PRUNE1: variants seen among roughly 807,000 people sequenced by gnomAD.
The protein encoded by PRUNE1 is prune exopolyphosphatase 1.
Under a neutral mutation model 42.5 loss-of-function variants are expected in PRUNE1, and 25 were observed. That is an observed-to-expected ratio of 0.59 (90% CI 0.43 to 0.82). The LOEUF (loss-of-function observed/expected upper bound fraction) is 0.82, where lower values mean the gene tolerates loss of function less well. Ranked by LOEUF, PRUNE1 falls within the 40% of genes least tolerant of loss-of-function variation. The probability of loss-of-function intolerance (pLI) is 0.00; values close to 1 mark genes in which losing one functional copy is unlikely to be tolerated. For synonymous variants in PRUNE1, 203 were observed against 217.1 expected (o/e 0.93, Z 0.57); for missense variants, 443 against 539.3 (o/e 0.82, Z 1.77).
At chr1:151,028,407 T>C (rs1162028991) in intron 6 of PRUNE1, among the ~76,000 whole-genome samples, 2 of 151,774 alleles carry the variant, frequency 1.3e-5, no homozygotes, top group Non-Finnish European at 2.9e-5. Flanking sequence ...GCCCAGCTAA[T>C]TTTTTGTTTT....
chr1:151,013,944 C>T (rs1222858133), intron 1 of PRUNE1, among the ~76,000 whole-genome samples: 1 of 151,676 alleles, frequency 6.6e-6, no homozygotes, highest in East Asian at 1.9e-4. Context: ...ATCCCCCTAC[C>T]CCAGTGCTGT....
chr1:151,028,741 G>C (rs765905217), intron 6 of PRUNE1, 45 bp from the exon 7 acceptor site: 6 of 1,590,170 alleles, frequency 3.8e-6, no homozygotes, highest in Non-Finnish European at 5.2e-6. Context: ...TTTTATTGAT[G>C]ATGATGAGAA....
At chr1:151,014,243 T>C (rs951500806) in intron 1 of PRUNE1, among the ~76,000 whole-genome samples, 1 of 152,208 alleles carries the variant, frequency 6.6e-6, no homozygotes, top group Non-Finnish European at 1.5e-5. Flanking sequence ...CCTCCCAAAG[T>C]GCTGGGATTA....
chr1:151,017,543 G>T (rs905365722), intron 1 of PRUNE1, among the ~76,000 whole-genome samples: 7 of 151,914 alleles, frequency 4.6e-5, no homozygotes, highest in African/African-American at 1.7e-4. Context: ...AGACCAGCCT[G>T]TGCAACATGG....
chr1:151,022,550 C>A (rs1674531335), intron 3 of PRUNE1, among the ~76,000 whole-genome samples: 1 of 151,664 alleles, frequency 6.6e-6, no homozygotes, highest in Non-Finnish European at 1.5e-5. Context: ...TCCCGAGTAG[C>A]TGGGACTACA....
intron 1 of PRUNE1, among the ~76,000 whole-genome samples, chr1:151,011,835 G>A (rs889214418): frequency 6.6e-6 from 1 of 151,092 alleles, no homozygotes; most frequent in Non-Finnish European, 1.5e-5. Context: ...CTGGAGTACA[G>A]TTGCATGATC....
chr1:151,014,552 T>C (rs1473053845), intron 1 of PRUNE1, among the ~76,000 whole-genome samples: 1 of 152,232 alleles, frequency 6.6e-6, no homozygotes, highest in Non-Finnish European at 1.5e-5. Flanking sequence ...AGTGATAGCC[T>C]GTATAGGGAA....
At chr1:151,025,494 C>T (rs748886880) in intron 4 of PRUNE1, 21 bp from the exon 5 acceptor site, 9 of 1,607,704 alleles carry the variant, frequency 5.6e-6, no homozygotes, top group Admixed American at 3.4e-5. Flanking sequence ...ATTCAAGTTC[C>T]ACCATCTCCC....
chr1:151,021,006 C>T (rs995843484), intron 3 of PRUNE1, among the ~76,000 whole-genome samples: 15 of 150,824 alleles, frequency 9.9e-5, no homozygotes, highest in African/African-American at 3.4e-4. Flanking sequence ...AATAGCTGGG[C>T]GTGGTGGCTC....
At chr1:151,017,372 A>G (rs1674171335) in intron 1 of PRUNE1, among the ~76,000 whole-genome samples, 1 of 152,164 alleles carries the variant, frequency 6.6e-6, no homozygotes, top group Non-Finnish European at 1.5e-5. Flanking sequence ...TATGCCATCT[A>G]TGGAATGAGG....
intron 1 of PRUNE1, among the ~76,000 whole-genome samples, chr1:151,009,326 A>C (rs894367912): frequency 6.6e-6 from 1 of 152,242 alleles, no homozygotes; most frequent in Non-Finnish European, 1.5e-5. Flanking sequence ...GCCTTAACGC[A>C]CACAAATGAC....
chr1:151,008,688 T>A lies in PRUNE1; in HGVS notation c.39+17T>A. 6.2e-7 allele frequency: 1 copy of A among 1,613,594 alleles called. No individual in the cohort carries two copies. Among genetic ancestry groups the A allele is most frequent in the Non-Finnish European group, 8.5e-7 (1 of 1,179,730 alleles). ...GCTCTGCAGGTAACGAATCCCTGTC[T>A]GTGACTGTAAGGAATGGAGCACGGG... On this transcript the variant is annotated intron_variant, in intron 1 of 7. Transcript: ENST00000271620.
At chr1:151,030,877 T>C (rs1675200036) in intron 7 of PRUNE1, among the ~76,000 whole-genome samples, 1 of 152,210 alleles carries the variant, frequency 6.6e-6, no homozygotes, top group Non-Finnish European at 1.5e-5. Flanking sequence ...GTCAGTTGAC[T>C]TCTGCATCTG....
intron 5 of PRUNE1, among the ~76,000 whole-genome samples, chr1:151,026,524 A>G (rs1438011309): frequency 6.6e-6 from 1 of 152,102 alleles, no homozygotes; most frequent in African/African-American, 2.4e-5. Context: ...TATATATAAA[A>G]TATGCTGAGA....
chr1:151,009,739 G>A (rs1412064141), intron 1 of PRUNE1, among the ~76,000 whole-genome samples: 1 of 152,288 alleles, frequency 6.6e-6, no homozygotes, highest in African/African-American at 2.4e-5. Flanking sequence ...ATATTGAATT[G>A]GGGAGAAGGT....
At position 151,033,968 on chromosome 1, in the gene PRUNE1, A is replaced by G. The variant is rs759639306; in HGVS notation, c.1096A>G (p.Met366Val). The change falls in exon 8 of 8, where the codon ATG becomes GTG. Residue 366 changes from methionine to valine, a missense_variant. Physicochemically the swap from Met to Val is conservative, Grantham distance 21. Coordinates refer to ENST00000271620, the MANE Select transcript of PRUNE1 (RefSeq NM_021222.3). Reference protein sequence around the residue: ...QEALSAYFDSMKIPSGQPETA... With the variant: ...QEALSAYFDSVKIPSGQPETA... ...AGCCCTGTCAGCATATTTTGACTCCATGAAGATCCCTTCAGGACAGCCTGA... is the reference window on the plus strand; with the variant it reads ...AGCCCTGTCAGCATATTTTGACTCCGTGAAGATCCCTTCAGGACAGCCTGA... 6.2e-7 allele frequency: 1 copy of G among 1,614,120 alleles called. No individual in the cohort carries two copies. The highest frequency in any genetic ancestry group is 8.5e-7 in the Non-Finnish European group (1 of 1,179,982).
chr1:151,025,816 C>G (rs1674798925), intron 5 of PRUNE1, 143 bp downstream of exon 5: 4 of 775,152 alleles, frequency 5.2e-6, no homozygotes, highest in Non-Finnish European at 7.7e-6. Flanking sequence ...TCTTGGCACA[C>G]TGCAACCTCG....
chr1:151,009,940 C>G (rs1008397445), intron 1 of PRUNE1, among the ~76,000 whole-genome samples: 3 of 152,092 alleles, frequency 2.0e-5, no homozygotes, highest in African/African-American at 7.2e-5. Context: ...ATTTTACCCC[C>G]CAGTAACCCA....
intron 1 of PRUNE1, among the ~76,000 whole-genome samples, chr1:151,013,365 T>C (rs1673900789): frequency 6.6e-6 from 1 of 152,208 alleles, no homozygotes; most frequent in Non-Finnish European, 1.5e-5. Flanking sequence ...ATTCCTTTTG[T>C]ATTCATTCCT....
Sources: gnomAD v4.1 joint callset for allele counts (sites outside exome capture counted in the v4.1 genomes callset) on GRCh38, gnomAD v4.1.1 for gene constraint, MANE v1.5 for transcripts, NCBI Gene and HGNC (gene_info 2026-07-23, HGNC 2026-07-21) for gene names.